The following TECR variants were observed in gnomAD, a reference collection of about 807,000 sequenced individuals.
TECR encodes the protein very-long-chain enoyl-CoA reductase.
TECR carries 19 observed loss-of-function variants against 50.6 expected under a neutral mutation model. The observed-to-expected ratio is 0.38, with a 90% CI of 0.26 to 0.55. The LOEUF is 0.55. Ranked by LOEUF, TECR falls within the 20% of genes least tolerant of loss-of-function variation. The pLI is 0.79. For synonymous variants in TECR, 168 were observed against 163.5 expected (o/e 1.03, Z -0.21); for missense variants, 313 against 408.3 (o/e 0.77, Z 2.01).
rs1400761807 is a variant in TECR at position 14,565,310 on chromosome 19, C to T, written c.753+20C>T. On this transcript the variant is annotated intron_variant, in intron 11 of 12. Coordinates refer to ENST00000215567, the MANE Select transcript of TECR (RefSeq NM_138501.6). The stretch of plus-strand genomic sequence containing the variant: ...TACGAGGTGAGGGGCTGCCTTACCC[C>T]TCTCTGCCCTGGGACTTGGGGTCCC... 1.2e-6 allele frequency: 2 copies of T among 1,611,868 alleles called. No homozygotes were observed. The highest frequency in any genetic ancestry group is 2.2e-5 in the South Asian group (2 of 91,010).
chr19:14,564,722 C>G, intron 7 of TECR, 64 bp from the exon 8 acceptor site: 3 of 1,522,238 alleles, frequency 2.0e-6, no homozygotes, highest in Non-Finnish European at 2.7e-6. Context: ...CGGGATGAGA[C>G]ATGGGCAGCA....
chr19:14,561,651 G>T (rs1407760502), intron 1 of TECR, among the ~76,000 whole-genome samples: 2 of 152,170 alleles, frequency 1.3e-5, no homozygotes, highest in Non-Finnish European at 2.9e-5. Flanking sequence ...AAGTGGGTGG[G>T]GAGGAAGGTT....
intron 1 of TECR, among the ~76,000 whole-genome samples, chr19:14,546,944 C>G (rs1329221140): frequency 6.6e-6 from 1 of 152,222 alleles, no homozygotes; most frequent in Admixed American, 6.5e-5. Context: ...ATCTGCCCGC[C>G]TTGGCCTCCC....
rs1181836282 is a variant in TECR, at chr19:14,558,485, G to A, written c.16-4040G>A. Among the ~76,000 whole-genome samples, 5 of 152,164 alleles carry A rather than the reference G, an allele frequency of 3.3e-5. No homozygotes were observed. In the East Asian group the frequency reaches 9.6e-4, roughly 29 times the overall value. On this transcript the variant is annotated intron_variant, in intron 1 of 12. Coordinates refer to ENST00000215567, the MANE Select transcript of TECR (RefSeq NM_138501.6). ...CTGCCCTGACCTCGTGCTGCGACGA[G>A]TTGCTGTTGGCTGGGCCCCGGGAAT...
At chr19:14,564,629 G>T in intron 7 of TECR, 157 bp from the exon 8 acceptor site, 1 of 591,510 alleles carries the variant, frequency 1.7e-6, no homozygotes, top group Non-Finnish European at 2.9e-6. Flanking sequence ...CCCTGCCCTA[G>T]CCTCACCCCT....
At chr19:14,539,233 A>T (rs2073014911) in intron 1 of TECR, among the ~76,000 whole-genome samples, 1 of 136,844 alleles carries the variant, frequency 7.3e-6, no homozygotes, top group Non-Finnish European at 1.5e-5. Context: ...TGACTTCGTG[A>T]TCCACCTGCC....
rs186847769 is a variant in TECR, at chr19:14,540,813, A to G, written c.15+11102A>G. Among the ~76,000 whole-genome samples the G allele has an allele frequency of 2.2e-3, 332 of 152,060 alleles. 2 individuals are homozygous for G. The highest frequency in any genetic ancestry group is 7.8e-3 in the African/African-American group (322 of 41,468). On this transcript the variant is annotated intron_variant, in intron 1 of 12. Transcript: ENST00000215567. The stretch of plus-strand genomic sequence containing the variant: ...CAAGTAGCTGGGACTGCAGGTGTGT[A>G]TCACTATGTCTGGCTGCTTTTTTTT...
chr19:14,528,639 G>A (rs554152728), upstream of TECR, among the ~76,000 whole-genome samples: 1 of 152,024 alleles, frequency 6.6e-6, no homozygotes, highest in South Asian at 2.1e-4. Flanking sequence ...TCCATAGGGC[G>A]GAGCAAAGTG....
chr19:14,564,628 A>C, intron 7 of TECR, 158 bp from the exon 8 acceptor site: 1 of 662,686 alleles, frequency 1.5e-6, no homozygotes, highest in Non-Finnish European at 2.5e-6. Context: ...GCCCTGCCCT[A>C]GCCTCACCCC....
At chr19:14,557,663 G>T (rs2073778010) in intron 1 of TECR, among the ~76,000 whole-genome samples, 1 of 151,720 alleles carries the variant, frequency 6.6e-6, no homozygotes, top group Non-Finnish European at 1.5e-5. Context: ...TGTTGTCCAG[G>T]CTGGTCTTGA....
At chr19:14,545,406 C>G (rs1045813066) in intron 1 of TECR, among the ~76,000 whole-genome samples, 17 of 152,218 alleles carry the variant, frequency 1.1e-4, no homozygotes, top group Admixed American at 7.2e-4. Flanking sequence ...CCTCTGGGCC[C>G]TCTGCACCGC....
At chr19:14,535,394 G>A (rs747177766) in intron 1 of TECR, among the ~76,000 whole-genome samples, 2 of 149,646 alleles carry the variant, frequency 1.3e-5, no homozygotes, top group Non-Finnish European at 3.0e-5. Flanking sequence ...TGTAGTCCCA[G>A]CTACTTGGGA....
chr19:14,532,009 G>GGAAAA (rs2072687157), intron 1 of TECR: 1 of 62,364 alleles, frequency 1.6e-5, no homozygotes, highest in African/African-American at 5.0e-5. Context: ...CCTGTTTGAA[G>GGAAAA]AAAAAAAAAA....
At chr19:14,557,404 G>T (rs1230026719) in intron 1 of TECR, among the ~76,000 whole-genome samples, 1 of 151,344 alleles carries the variant, frequency 6.6e-6, no homozygotes, top group Admixed American at 6.6e-5. Context: ...GCCTCCCAAA[G>T]TGCTGGGATT....
intron 1 of TECR, among the ~76,000 whole-genome samples, chr19:14,548,166 G>A (rs2073369279): frequency 6.6e-6 from 1 of 151,812 alleles, no homozygotes; most frequent in African/African-American, 2.4e-5. Flanking sequence ...GTTTCACCGT[G>A]TTAGCCAGGA....
In TECR at chr19:14,563,101, C is replaced by T; in HGVS notation, c.67-105C>T. The T allele has an allele frequency of 1.4e-6, 2 of 1,470,914 alleles. No individual in the cohort carries two copies. Among genetic ancestry groups the T allele is most frequent in the Non-Finnish European group, 1.9e-6 (2 of 1,063,982 alleles). 91.1% of individuals were successfully genotyped at this position (1,470,914 alleles called of 1,614,324 possible). On this transcript the variant is annotated intron_variant, in intron 2 of 12. Transcript: ENST00000215567. This position sits in a 1 kb window ranked among gnomAD's most constrained non-coding sequence, Gnocchi z 5.3. The stretch of plus-strand genomic sequence containing the variant: ...CTGGACCCCAGCCCTTCCCCCTTCC[C>T]ATAGCTACAGCCCAACCCCCAGCCT...
chr19:14,540,877 C>G (rs2073073750), intron 1 of TECR, among the ~76,000 whole-genome samples: 1 of 152,158 alleles, frequency 6.6e-6, no homozygotes, highest in South Asian at 2.1e-4. Context: ...TGCTCTTGCC[C>G]AGGCTGGAGT....
intron 1 of TECR, among the ~76,000 whole-genome samples, chr19:14,532,819 T>C (rs1471401093): frequency 6.6e-6 from 1 of 152,016 alleles, no homozygotes; most frequent in African/African-American, 2.4e-5. Flanking sequence ...CATCAAAGAA[T>C]ATATTTCTGG....
chr19:14,564,008 C>G lies in TECR; in HGVS notation c.294C>G (p.Pro98=). The G allele has an allele frequency of 1.7e-5, 28 of 1,614,036 alleles. No homozygotes were observed. The highest frequency in any genetic ancestry group is 2.4e-5 in the Non-Finnish European group (28 of 1,179,962). The change falls in exon 6 of 13, where the codon CCC becomes CCG. Residue 98 remains proline, a synonymous_variant. Coordinates refer to ENST00000215567, the MANE Select transcript of TECR (RefSeq NM_138501.6). ...VTVFLTEYAG[P]LFIYLLFYFR... The stretch of plus-strand genomic sequence containing the variant: ...TCTTCCTAACAGAGTACGCGGGGCC[C>G]CTTTTCATCTACCTGCTCTTCTACT...
Sources: allele counts gnomAD v4.1 joint callset (sites outside exome capture counted in the v4.1 genomes callset), GRCh38; gene constraint gnomAD v4.1.1; non-coding constraint Gnocchi (gnomAD v3.1); transcripts MANE v1.5; gene names NCBI Gene and HGNC (gene_info 2026-07-23, HGNC 2026-07-21).